STAM: variants seen among roughly 807,000 people sequenced by gnomAD.
STAM encodes the protein signal transducing adapter molecule 1.
Under a neutral mutation model 63.4 loss-of-function variants are expected in STAM, and 16 were observed. The ratio of observed to expected loss-of-function variants is 0.25; its 90% confidence interval spans 0.17 to 0.38. The LOEUF is 0.38. STAM is among the 10% of genes least tolerant of loss of function. STAM has a pLI of 1.00. For missense variants in STAM, 636 were observed against 657.1 expected (o/e 0.97, Z 0.35); for synonymous variants, 238 against 223.9 (o/e 1.06, Z -0.56).
At chr10:17,706,396 T>G (rs868922564) in intron 12 of STAM, among the ~76,000 whole-genome samples, 89 of 123,562 alleles carry the variant, frequency 7.2e-4, no homozygotes, top group African/African-American at 2.8e-3. Flanking sequence ...TTTTTTTTTT[T>G]GAGGCGGAGT....
chr10:17,673,001 C>A lies in STAM; in HGVS notation c.126-11674C>A, dbSNP rs948152419. The A allele has an allele frequency of 1.0e-5, 10 of 984,682 alleles. No individual in the cohort carries two copies. The African/African-American group carries it at 1.4e-4, about 14-fold the overall frequency. 61.0% of individuals were successfully genotyped at this position (984,682 alleles called of 1,614,324 possible). A position where few individuals can be genotyped will look rare whatever the true frequency, so the allele number is the denominator to read the frequency against. ...TAAGGAAAAGAGAGGATGTGTCTTA[C>A]AAAAAGTTTTAAAATACCAAAATGG... On this transcript the variant is annotated intron_variant, in intron 2 of 13. Coordinates refer to ENST00000377524, the MANE Select transcript of STAM (RefSeq NM_003473.4).
At chr10:17,686,666 C>T (rs781908565) in intron 4 of STAM, among the ~76,000 whole-genome samples, 37 of 152,132 alleles carry the variant, frequency 2.4e-4, no homozygotes, top group Non-Finnish European at 1.0e-4. Context: ...CATGAGCCAC[C>T]GCGCCCAGCC....
Position 17,688,006 on chromosome 10 carries a change from ATTTC to A in STAM, c.298-17_298-14del, listed in dbSNP as rs1564554500. Reference sequence around the variant, plus strand: ...TTGGCTAGGAAATTGGTGCTCTTTTATTTCTTTTTCTATTTTACAGGGTCATCCT... The same window carrying A: ...TTGGCTAGGAAATTGGTGCTCTTTTATTTTTCTATTTTACAGGGTCATCCT... On this transcript the variant is annotated splice_polypyrimidine_tract_variant and intron_variant, in intron 4 of 13. Coordinates refer to ENST00000377524, the MANE Select transcript of STAM (RefSeq NM_003473.4). 6.5e-7 allele frequency: 1 copy of A among 1,543,222 alleles called. No individual in the cohort carries two copies. Among genetic ancestry groups the A allele is most frequent in the South Asian group, 1.3e-5 (1 of 78,908 alleles).
intron 9 of STAM, among the ~76,000 whole-genome samples, chr10:17,701,786 C>T (rs971038839): frequency 7.9e-5 from 12 of 152,080 alleles, no homozygotes; most frequent in Middle Eastern, 3.2e-3. Context: ...TACCGCTTGC[C>T]CGTAGTGAAG....
intron 2 of STAM, among the ~76,000 whole-genome samples, chr10:17,681,134 C>T (rs61842305): frequency 0.12 from 18,492 of 151,502 alleles, 1,225 homozygotes; most frequent in Middle Eastern, 0.25. Context: ...TCAACACTTA[C>T]CATTTTTTCT....
At chr10:17,699,631 C>A (rs1048841218) in intron 8 of STAM, among the ~76,000 whole-genome samples, 8 of 152,184 alleles carry the variant, frequency 5.3e-5, no homozygotes, top group African/African-American at 1.2e-4. Flanking sequence ...AAGACTGAGA[C>A]CCCTGTCAAG....
intron 2 of STAM, among the ~76,000 whole-genome samples, chr10:17,669,225 A>G (rs1220328750): frequency 1.3e-5 from 2 of 152,022 alleles, no homozygotes; most frequent in African/African-American, 4.8e-5. Context: ...TCTTTTATAT[A>G]TTATATTTGC....
chr10:17,687,459 G>A (rs551208213), intron 4 of STAM, among the ~76,000 whole-genome samples: 3 of 152,014 alleles, frequency 2.0e-5, no homozygotes, highest in South Asian at 4.2e-4. Context: ...ACTGCAGTCC[G>A]GCTTCTGCCA....
At chr10:17,678,054 G>A (rs1348472870) in intron 2 of STAM, among the ~76,000 whole-genome samples, 1 of 151,986 alleles carries the variant, frequency 6.6e-6, no homozygotes, top group Non-Finnish European at 1.5e-5. Context: ...TCATAAGTTT[G>A]TGCAACAGTA....
chr10:17,651,561 C>T (rs1466946122), intron 1 of STAM, among the ~76,000 whole-genome samples: 1 of 152,114 alleles, frequency 6.6e-6, no homozygotes, highest in Non-Finnish European at 1.5e-5. Context: ...TTTTACCTCT[C>T]CTCTAAGCTG....
At chr10:17,682,792 A>G (rs1462353943) in intron 2 of STAM, among the ~76,000 whole-genome samples, 1 of 152,168 alleles carries the variant, frequency 6.6e-6, no homozygotes, top group Non-Finnish European at 1.5e-5. Context: ...GGTATTCCAT[A>G]TCAGTACTTT....
At chr10:17,675,664 T>C (rs1374148075) in intron 2 of STAM, among the ~76,000 whole-genome samples, 1 of 152,224 alleles carries the variant, frequency 6.6e-6, no homozygotes, top group African/African-American at 2.4e-5. Context: ...ACTATGAACT[T>C]CATGAAGCAG....
chr10:17,713,333 C>T (rs1836646733), intron 13 of STAM, among the ~76,000 whole-genome samples: 1 of 152,196 alleles, frequency 6.6e-6, no homozygotes, highest in African/African-American at 2.4e-5. Context: ...CGAGGATTCC[C>T]AGATGCGTAT....
In STAM at chr10:17,708,906, C is replaced by T. The variant is rs371678791; in HGVS notation, c.1340C>T (p.Ala447Val). Reference sequence around the variant, plus strand: ...AGCCAGGCAGTGGTCCCACCATCCGCAAACCCAGCCCTTCCTAGTCAGCAG... The same window carrying T: ...AGCCAGGCAGTGGTCCCACCATCCGTAAACCCAGCCCTTCCTAGTCAGCAG... ...SLSQAVVPPS[A>V]NPALPSQQTQ... is the part of the protein sequence containing the mutation. The change falls in exon 13 of 14, where the codon GCA (alanine) becomes GTA (valine). Residue 447 changes from alanine (A) to valine (V), a missense_variant. Physicochemically the swap from Ala to Val is moderately conservative, Grantham distance 64. Around this residue, in one of 3 missense-constraint regions of STAM, gnomAD observed 532 missense variants for 536.9 expected, o/e 0.99. Transcript: ENST00000377524. The T allele has an allele frequency of 4.4e-5, 71 of 1,614,084 alleles. No individual in the cohort carries two copies. The highest frequency in any genetic ancestry group is 5.8e-5 in the Non-Finnish European group (69 of 1,180,026).
At position 17,716,533 on chromosome 10, in the gene STAM, A is replaced by T. The variant is rs527870004; in HGVS notation, c.*1753A>T. Among the ~76,000 whole-genome samples the T allele has an allele frequency of 1.4e-3, 207 of 152,246 alleles. 2 individuals carry two copies. Among genetic ancestry groups the T allele is most frequent in the Non-Finnish European group, 1.8e-3 (125 of 68,016 alleles). ...TTTGATAAATATCTGTCGGATTATAATCTTTTCCACTCCAATTTGAGTATT... is the reference window on the plus strand; with the variant it reads ...TTTGATAAATATCTGTCGGATTATATTCTTTTCCACTCCAATTTGAGTATT... On this transcript the variant is annotated 3_prime_UTR_variant, in exon 14 of 14. Transcript: ENST00000377524.
At chr10:17,696,937 C>A in intron 8 of STAM, 68 bp downstream of exon 8, 2 of 1,376,658 alleles carry the variant, frequency 1.5e-6, no homozygotes, top group Non-Finnish European at 2.1e-6. Flanking sequence ...GTTGAGTAAA[C>A]TGAACTTTTT....
intron 2 of STAM, among the ~76,000 whole-genome samples, chr10:17,673,491 C>T (rs1415232991): frequency 6.6e-6 from 1 of 152,102 alleles, no homozygotes; most frequent in Non-Finnish European, 1.5e-5. Flanking sequence ...ACTTCAGTCA[C>T]GGGAGAGCAA....
At chr10:17,707,237 G>T (rs1554829389) in intron 12 of STAM, among the ~76,000 whole-genome samples, 23 of 151,984 alleles carry the variant, frequency 1.5e-4, no homozygotes. Context: ...GTGAAACCCT[G>T]TCTCTGCTCA....
rs77204065 is a variant in STAM, at chr10:17,712,705, T to C, written c.1386-1838T>C. Among the ~76,000 whole-genome samples the C allele has an allele frequency of 4.5e-3, 679 of 152,290 alleles. 4 individuals carry two copies. Among genetic ancestry groups the C allele is most frequent in the African/African-American group, 0.015 (632 of 41,538 alleles). Reference sequence around the variant, plus strand: ...AGTACTTCTCTTCACATAGCTAACCTAGTGTCTTACAGTGGAAACGCATGT... The same window carrying C: ...AGTACTTCTCTTCACATAGCTAACCCAGTGTCTTACAGTGGAAACGCATGT... On this transcript the variant is annotated intron_variant, in intron 13 of 13. Coordinates refer to ENST00000377524, the MANE Select transcript of STAM (RefSeq NM_003473.4).
Sources: gnomAD v4.1 joint callset for allele counts (sites outside exome capture counted in the v4.1 genomes callset) on GRCh38, gnomAD v4.1.1 for gene constraint, gnomAD v4.1.1 regional missense constraint, MANE v1.5 for transcripts, NCBI Gene and HGNC (gene_info 2026-07-23, HGNC 2026-07-21) for gene names.